NRG3: variants seen among roughly 807,000 people sequenced by gnomAD.
The protein encoded by NRG3 is pro-neuregulin-3, membrane-bound isoform.
In NRG3, 31 loss-of-function variants were observed where a neutral mutation model predicts 66.9. The observed-to-expected ratio is 0.46, with a 90% CI of 0.35 to 0.63. NRG3 has a LOEUF of 0.63. Among genes scored for constraint, NRG3 ranks in the 20% least tolerant of loss-of-function variants. The pLI is 0.00. For missense variants in NRG3, 910 were observed against 878.9 expected (o/e 1.04, Z -0.45); for synonymous variants, 393 against 359.4 (o/e 1.09, Z -1.06).
In NRG3 at chr10:82,680,146, C is replaced by T. The variant is rs544093343; in HGVS notation, c.954-58431C>T. Among the ~76,000 whole-genome samples the T allele has an allele frequency of 2.1e-4, 32 of 152,206 alleles. 1 individual carries two copies. The South Asian group carries it at 6.6e-3, about 32-fold the overall frequency. ...TATTAACATCATATAACTGTTAATA[C>T]CACCCTATGAAATAGGTACTATTGT... On this transcript the variant is annotated intron_variant, in intron 2 of 8. Coordinates refer to ENST00000372141, the MANE Select transcript of NRG3 (RefSeq NM_001010848.4).
At chr10:82,395,726 T>C (rs1171386407) in intron 2 of NRG3, among the ~76,000 whole-genome samples, 1 of 152,088 alleles carries the variant, frequency 6.6e-6, no homozygotes, top group Non-Finnish European at 1.5e-5. Flanking sequence ...ATCCACCCAT[T>C]CATCCACTTA....
At chr10:82,395,798 T>G (rs1485568432) in intron 2 of NRG3, among the ~76,000 whole-genome samples, 13 of 152,146 alleles carry the variant, frequency 8.5e-5, no homozygotes, top group Non-Finnish European at 1.5e-5. Flanking sequence ...CAATTAAAGC[T>G]GAGTCAGTGC....
intron 1 of NRG3, among the ~76,000 whole-genome samples, chr10:81,888,634 A>G (rs555841278): frequency 2.6e-5 from 4 of 152,216 alleles, no homozygotes; most frequent in African/African-American, 9.6e-5. Flanking sequence ...GGGAAAGGTC[A>G]TTAATAAAGG....
At chr10:82,862,570 G>A (rs753144756) in intron 3 of NRG3, among the ~76,000 whole-genome samples, 24 of 152,150 alleles carry the variant, frequency 1.6e-4, no homozygotes, top group African/African-American at 2.4e-4. Flanking sequence ...TACAGTTTCC[G>A]TAAAGGAAAT....
Position 82,016,808 on chromosome 10 carries a change from T to G in NRG3, c.823+140645T>G, listed in dbSNP as rs115560609. ...CTGAATGTGGGAATTTAATAGCAAG[T>G]GAATTATATGTCCACATTTGACCAA... On this transcript the variant is annotated intron_variant, in intron 1 of 8. Coordinates refer to ENST00000372141, the MANE Select transcript of NRG3 (RefSeq NM_001010848.4). Among the ~76,000 whole-genome samples the G allele has an allele frequency of 3.8e-3, 582 of 152,298 alleles. 3 individuals carry two copies. Among genetic ancestry groups the G allele is most frequent in the African/African-American group, 0.013 (531 of 41,588 alleles).
chr10:82,877,177 G>T (rs1455019359), intron 4 of NRG3, among the ~76,000 whole-genome samples: 1 of 152,146 alleles, frequency 6.6e-6, no homozygotes, highest in African/African-American at 2.4e-5. Context: ...TGGAACATCT[G>T]CAGATGCAGC....
intron 1 of NRG3, among the ~76,000 whole-genome samples, chr10:82,347,852 G>A (rs1202036992): frequency 6.6e-6 from 1 of 152,024 alleles, no homozygotes; most frequent in African/African-American, 2.4e-5. Flanking sequence ...GATCTTTGCT[G>A]GTTTAAAGTC....
At chr10:81,993,747 T>C (rs983706859) in intron 1 of NRG3, among the ~76,000 whole-genome samples, 12 of 152,356 alleles carry the variant, frequency 7.9e-5, no homozygotes, top group African/African-American at 2.9e-4. Context: ...ACAATAATCT[T>C]GATAGAACCC....
At chr10:82,505,505 C>A (rs1844584712) in intron 2 of NRG3, among the ~76,000 whole-genome samples, 1 of 152,204 alleles carries the variant, frequency 6.6e-6, no homozygotes, top group Non-Finnish European at 1.5e-5. Flanking sequence ...AATTGGGCCA[C>A]AGGAAGTCTC....
At position 82,915,323 on chromosome 10, in the gene NRG3, C is replaced by G. The variant is rs1158383005; in HGVS notation, c.1055-36146C>G. On this transcript the variant is annotated intron_variant, in intron 4 of 8. Transcript: ENST00000372141. ...CTTTTTGGGAGGATAACAGCAATAA[C>G]TGCTGAGCTCTTTACATGCCAAAAA... Among the ~76,000 whole-genome samples the G allele has an allele frequency of 3.3e-5, 5 of 152,158 alleles. No homozygotes were observed. The East Asian group carries it at 9.6e-4, about 29-fold the overall frequency.
intron 1 of NRG3, among the ~76,000 whole-genome samples, chr10:82,099,950 C>G (rs1245574236): frequency 6.6e-6 from 1 of 150,784 alleles, no homozygotes; most frequent in East Asian, 1.9e-4. Flanking sequence ...CATCATGGTA[C>G]TCCAGTTAGG....
At chr10:82,601,864 T>A (rs1565115552) in intron 2 of NRG3, among the ~76,000 whole-genome samples, 1 of 146,284 alleles carries the variant, frequency 6.8e-6, no homozygotes, top group East Asian at 2.0e-4. Context: ...AAAAAATTAT[T>A]TATATATATA....
chr10:81,930,859 C>G (rs972911271), intron 1 of NRG3, among the ~76,000 whole-genome samples: 6 of 152,136 alleles, frequency 3.9e-5, no homozygotes, highest in African/African-American at 1.4e-4. Flanking sequence ...AATGAGGAAG[C>G]TTCACTCAGA....
chr10:82,221,635 G>T (rs914426613), intron 1 of NRG3, among the ~76,000 whole-genome samples: 5 of 152,154 alleles, frequency 3.3e-5, no homozygotes, highest in African/African-American at 7.2e-5. Flanking sequence ...TAAGCAGTCT[G>T]TATTAAAAAC....
At chr10:81,997,619 A>G (rs1406821049) in intron 1 of NRG3, among the ~76,000 whole-genome samples, 1 of 151,998 alleles carries the variant, frequency 6.6e-6, no homozygotes, top group African/African-American at 2.4e-5. Flanking sequence ...CCGTTTCTTC[A>G]TCTGTGAAAT....
chr10:82,710,722 T>C (rs1460545355), intron 2 of NRG3, among the ~76,000 whole-genome samples: 1 of 151,892 alleles, frequency 6.6e-6, no homozygotes, highest in African/African-American at 2.4e-5. Context: ...TTTTATTTTA[T>C]TTTTATTTTA....
At chr10:82,570,795 A>C (rs1305092450) in intron 2 of NRG3, among the ~76,000 whole-genome samples, 2 of 151,514 alleles carry the variant, frequency 1.3e-5, no homozygotes, top group African/African-American at 4.8e-5. Context: ...TTTCTGGAGG[A>C]CTCATATGTA....
At chr10:81,969,111 G>A (rs2059834869) in intron 1 of NRG3, among the ~76,000 whole-genome samples, 1 of 152,098 alleles carries the variant, frequency 6.6e-6, no homozygotes, top group African/African-American at 2.4e-5. Flanking sequence ...GATTATGAGG[G>A]GTAAGAGAAG....
chr10:82,683,175 G>C (rs1428992327), intron 2 of NRG3, among the ~76,000 whole-genome samples: 5 of 151,822 alleles, frequency 3.3e-5, no homozygotes, highest in Admixed American at 6.6e-5. Context: ...AGCCAGGATG[G>C]TCTCGATCTG....
Sources: allele counts gnomAD v4.1 joint callset (sites outside exome capture counted in the v4.1 genomes callset), GRCh38; gene constraint gnomAD v4.1.1; transcripts MANE v1.5; gene names NCBI Gene and HGNC (gene_info 2026-07-23, HGNC 2026-07-21).